The following RRM2 variants were observed in gnomAD, a reference collection of about 807,000 sequenced individuals.
RRM2 encodes the protein ribonucleotide reductase regulatory subunit M2, also known as ribonucleoside-diphosphate reductase subunit M2.
A neutral mutation model predicts 45.9 loss-of-function variants in RRM2; 6 were observed. The ratio of observed to expected loss-of-function variants is 0.13; its 90% CI spans 0.07 to 0.26. RRM2 has a LOEUF of 0.26. Ranked by LOEUF, RRM2 falls within the 10% of genes least tolerant of loss-of-function variation. The pLI is 1.00. For missense variants in RRM2, 343 were observed against 489.5 expected (o/e 0.70, Z 2.82); for synonymous variants, 177 against 173.0 (o/e 1.02, Z -0.18).
At chr2:10,201,625 A>G (rs944775082) in intron 3 of RRM2, among the ~76,000 whole-genome samples, 5 of 152,262 alleles carry the variant, frequency 3.3e-5, no homozygotes, top group Non-Finnish European at 7.3e-5. Flanking sequence ...AAACAAGACA[A>G]CAATTGTTCA....
chr2:10,150,520 T>TC (rs1663285691), intron 3 of RRM2, among the ~76,000 whole-genome samples: 1 of 151,694 alleles, frequency 6.6e-6, no homozygotes, highest in Admixed American at 6.6e-5. Flanking sequence ...ATTTTTTTTT[T>TC]TCGACTTTAT....
chr2:10,156,593 C>T (rs943102412), intron 3 of RRM2, among the ~76,000 whole-genome samples: 1 of 152,242 alleles, frequency 6.6e-6, no homozygotes, highest in African/African-American at 2.4e-5. Context: ...GTTCATTATT[C>T]TTTCATTCCC....
intron 2 of RRM2, 56 bp downstream of exon 2, chr2:10,123,113 C>T: frequency 6.7e-7 from 1 of 1,501,872 alleles, no homozygotes; most frequent in South Asian, 1.2e-5. Context: ...GTCTTGGCGC[C>T]AAAGCCGCAT....
chr2:10,191,258 A>G (rs151141421), intron 3 of RRM2, among the ~76,000 whole-genome samples: 2,881 of 152,340 alleles, frequency 0.019, 49 homozygotes, highest in South Asian at 0.053. Context: ...CTCTTGGGGC[A>G]GCGTGGCCTT....
chr2:10,132,438 G>A (rs1322991074), downstream of RRM2, among the ~76,000 whole-genome samples: 1 of 152,156 alleles, frequency 6.6e-6, no homozygotes, highest in Non-Finnish European at 1.5e-5. Context: ...TAGTGGAGGG[G>A]ACTGGGACTA....
rs566712769 is a variant in RRM2, at chr2:10,171,030, C to T, written n.482+28655C>T. On this transcript the variant is annotated intron_variant and non_coding_transcript_variant, in intron 3 of 3. Coordinates refer to the RRM2 transcript ENST00000381786. This position sits in a 1 kb window ranked among gnomAD's most constrained non-coding sequence, Gnocchi z 4.1. ...GGGGCTCAGGCCTCATCAGGGGAAA[C>T]GTGGGCATCTAGATGACCCTCCACA... Among the ~76,000 whole-genome samples, 15 of 152,358 alleles carry T rather than the reference C, an allele frequency of 9.8e-5. No homozygotes were observed. Among genetic ancestry groups the T allele is most frequent in the Admixed American group, 6.5e-5 (1 of 15,306 alleles).
In RRM2 at chr2:10,126,954, A is replaced by G; in HGVS notation, c.649A>G (p.Lys217Glu). 1.2e-6 allele frequency: 2 copies of G among 1,614,136 alleles called. No homozygotes were observed. Among genetic ancestry groups the G allele is most frequent in the Non-Finnish European group, 1.7e-6 (2 of 1,180,004 alleles). Residue 217 changes from lysine to glutamate, a missense_variant, in exon 6 of 10, where the codon AAA becomes GAA. This residue lies in a region of RRM2 where 212 missense variants were observed against 368.1 expected (regional missense o/e 0.58). Transcript: ENST00000304567. ...CTGGGCCTTGCGCTGGATTGGGGAC[A>G]AAGAGGCTACCTATGGTAAGGAGAC... ...ADWALRWIGD[K>E]EATYGERVVA...
At chr2:10,186,430 C>T (rs1183920313) in intron 3 of RRM2, among the ~76,000 whole-genome samples, 3 of 151,972 alleles carry the variant, frequency 2.0e-5, no homozygotes, top group Non-Finnish European at 2.9e-5. Flanking sequence ...GCTGGGATTA[C>T]AGGCGTGAGC....
intron 3 of RRM2, chr2:10,192,688 C>T (rs910097662): frequency 6.5e-6 from 1 of 154,254 alleles, no homozygotes; most frequent in Non-Finnish European, 1.5e-5. Flanking sequence ...CAGGGGAAGA[C>T]TGAAAGTATT....
chr2:10,152,065 C>T (rs913185093), intron 3 of RRM2, among the ~76,000 whole-genome samples: 3 of 152,086 alleles, frequency 2.0e-5, no homozygotes, highest in Non-Finnish European at 4.4e-5. Flanking sequence ...TCTCCTGCCT[C>T]AGCCTCCCGA....
chr2:10,203,693 G>A (rs1664611376), intron 3 of RRM2, among the ~76,000 whole-genome samples: 1 of 152,156 alleles, frequency 6.6e-6, no homozygotes, highest in Non-Finnish European at 1.5e-5. Flanking sequence ...GGAGGTTGCA[G>A]TGAGCAGAGA....
chr2:10,136,352 G>A (rs541098942), downstream of RRM2, among the ~76,000 whole-genome samples: 2 of 152,384 alleles, frequency 1.3e-5, no homozygotes, highest in East Asian at 3.9e-4. Flanking sequence ...CTTCCTGGGT[G>A]TGGGTGGGCC....
At position 10,141,730 on chromosome 2, in the gene RRM2, G is replaced by A. The variant is rs538313602; in HGVS notation, n.260+89G>A. The A allele has an allele frequency of 5.2e-5, 72 of 1,383,612 alleles. No homozygotes were observed. In the East Asian group the frequency reaches 1.7e-3, roughly 32 times the overall value. The allele number at this position is 1,383,612 out of a possible 1,614,324, so 85.7% of individuals were successfully genotyped here. ...GGAAGGAAAGAGCAGGTGAGGGTGG[G>A]GTACTGTTCCAAGCACGGGAAACAG... is the stretch of plus-strand genomic sequence containing the variant. On this transcript the variant is annotated intron_variant and non_coding_transcript_variant, in intron 1 of 3. Transcript: ENST00000381786.
intron 3 of RRM2, among the ~76,000 whole-genome samples, chr2:10,154,913 C>T (rs551771488): frequency 6.6e-6 from 1 of 152,026 alleles, no homozygotes; most frequent in South Asian, 2.1e-4. Context: ...CCAGGCTGGT[C>T]TTGAACTCCC....
chr2:10,183,114 C>G (rs1271279438), intron 3 of RRM2, among the ~76,000 whole-genome samples: 1 of 152,088 alleles, frequency 6.6e-6, no homozygotes, highest in South Asian at 2.1e-4. Context: ...GAGACTGCAG[C>G]GAACTATGAT....
rs936222151 is a variant in RRM2, at chr2:10,169,229, C to T, written n.482+26854C>T. On this transcript the variant is annotated intron_variant and non_coding_transcript_variant, in intron 3 of 3. Transcript: ENST00000381786. The surrounding 1 kb of genome is among the most constrained non-coding windows in gnomAD (Gnocchi z 5.1). Reference sequence around the variant, plus strand: ...ACTCCCGGGCTCAATCCTCCTGCCTCAGCCTCCCACAGTGCTGGGATTACA... The same window carrying T: ...ACTCCCGGGCTCAATCCTCCTGCCTTAGCCTCCCACAGTGCTGGGATTACA... Among the ~76,000 whole-genome samples the T allele has an allele frequency of 9.2e-5, 14 of 151,528 alleles. No homozygotes were observed. The highest frequency in any genetic ancestry group is 1.7e-4 in the African/African-American group (7 of 41,304).
intron 3 of RRM2, among the ~76,000 whole-genome samples, chr2:10,196,274 C>G (rs919574768): frequency 6.6e-6 from 1 of 152,174 alleles, no homozygotes; most frequent in African/African-American, 2.4e-5. Flanking sequence ...CCACGAGCCC[C>G]CACCAACTGC....
Position 10,171,757 on chromosome 2 carries a change from A to G in RRM2, n.482+29382A>G, listed in dbSNP as rs1392911624. Among the ~76,000 whole-genome samples the G allele has an allele frequency of 6.6e-6, 1 of 152,190 alleles. No individual in the cohort carries two copies. The highest frequency in any genetic ancestry group is 1.5e-5 in the Non-Finnish European group (1 of 68,030). Reference sequence around the variant, plus strand: ...CTACTCAGCTGCAGAATAGTCACAGACACCTCTCCACCAGCAACGTCCCTG... The same window carrying G: ...CTACTCAGCTGCAGAATAGTCACAGGCACCTCTCCACCAGCAACGTCCCTG... On this transcript the variant is annotated intron_variant and non_coding_transcript_variant, in intron 3 of 3. Coordinates refer to the RRM2 transcript ENST00000381786. This position sits in a 1 kb window ranked among gnomAD's most constrained non-coding sequence, Gnocchi z 4.1.
intron 3 of RRM2, among the ~76,000 whole-genome samples, chr2:10,165,269 C>T (rs542059660): frequency 3.9e-5 from 6 of 152,324 alleles, no homozygotes; most frequent in East Asian, 1.9e-4. Flanking sequence ...TTACCTTCAT[C>T]GGAACACTTG....
Sources: allele counts gnomAD v4.1 joint callset (sites outside exome capture counted in the v4.1 genomes callset), GRCh38; gene constraint gnomAD v4.1.1; regional missense constraint gnomAD v4.1.1; non-coding constraint Gnocchi (gnomAD v3.1); transcripts MANE v1.5; gene names NCBI Gene and HGNC (gene_info 2026-07-23, HGNC 2026-07-21).